The following ZFHX3 variants were observed in gnomAD, a reference collection of about 807,000 sequenced individuals.
ZFHX3 encodes zinc finger homeobox protein 3.
In ZFHX3, 42 loss-of-function variants were observed where a neutral mutation model predicts 279.1. The ratio of observed to expected loss-of-function variants is 0.15; its 90% CI spans 0.12 to 0.19. The LOEUF (loss-of-function observed/expected upper bound fraction) is 0.19. ZFHX3 is among the 10% of genes least tolerant of loss of function. ZFHX3 has a pLI of 1.00. For synonymous variants in ZFHX3, 2,293 were observed against 1,957.8 expected, an observed-to-expected ratio of 1.17 and a Z score of -4.52; for missense variants, 4,981 against 4,754.0, an observed-to-expected ratio of 1.05 and a Z score of -1.40.
At chr16:73,483,931 T>G (rs1369065680) in intron 2 of ZFHX3, among the ~76,000 whole-genome samples, 2 of 7,964 alleles carry the variant, frequency 2.5e-4, no homozygotes, top group Admixed American at 1.1e-3. Context: ...TCTGCCTTTG[T>G]TTTTTTTTTT....
chr16:73,392,122 C>G (rs572772626), intron 3 of ZFHX3, among the ~76,000 whole-genome samples: 1 of 151,998 alleles, frequency 6.6e-6, no homozygotes, highest in East Asian at 1.9e-4. Flanking sequence ...AAATAAAAAT[C>G]AAGAAACAGC....
Position 72,960,898 on chromosome 16 carries a change from G to A in ZFHX3, c.-49-704C>T, listed in dbSNP as rs781688894. Reference sequence around the variant, plus strand: ...GTCCCATTTTACAAGCAGTAAAACAGAGGGGCTTCAATCTAAAAACTGGCT... The same window carrying A: ...GTCCCATTTTACAAGCAGTAAAACAAAGGGGCTTCAATCTAAAAACTGGCT... On this transcript the variant is annotated intron_variant, in intron 1 of 9. Coordinates refer to ENST00000268489, the MANE Select transcript of ZFHX3 (RefSeq NM_006885.4). Among the ~76,000 whole-genome samples the A allele has an allele frequency of 2.0e-5, 3 of 152,102 alleles. No individual in the cohort carries two copies. The East Asian group carries it at 5.8e-4, about 29-fold the overall frequency.
intron 5 of ZFHX3, among the ~76,000 whole-genome samples, chr16:73,166,118 A>C (rs12922660): frequency 6.6e-6 from 1 of 151,954 alleles, no homozygotes; most frequent in Non-Finnish European, 1.5e-5. Flanking sequence ...GTCGCATTGG[A>C]CCTAAGTAAA....
intron 2 of ZFHX3, among the ~76,000 whole-genome samples, chr16:73,505,237 C>G (rs114386789): frequency 3.9e-5 from 6 of 152,134 alleles, no homozygotes; most frequent in Non-Finnish European, 1.5e-5. Context: ...ATATCCTCCC[C>G]GCTCTGCTGT....
At chr16:72,941,560 T>C (rs1792335643) in intron 3 of ZFHX3, among the ~76,000 whole-genome samples, 1 of 152,204 alleles carries the variant, frequency 6.6e-6, no homozygotes, top group African/African-American at 2.4e-5. Flanking sequence ...CATTGTTGCT[T>C]ATCTGAAATT....
intron 5 of ZFHX3, among the ~76,000 whole-genome samples, chr16:73,146,637 C>G (rs1355247281): frequency 1.3e-5 from 2 of 151,862 alleles, no homozygotes; most frequent in Non-Finnish European, 2.9e-5. Flanking sequence ...TTTTTAAACT[C>G]TTTTCTTTCT....
At chr16:73,442,339 C>A (rs1293331160) in intron 3 of ZFHX3, among the ~76,000 whole-genome samples, 1 of 151,728 alleles carries the variant, frequency 6.6e-6, no homozygotes, top group African/African-American at 2.4e-5. Flanking sequence ...TTTCCTTTGT[C>A]CACATCAGTA....
At chr16:72,867,454 C>T (rs904113431) in intron 4 of ZFHX3, among the ~76,000 whole-genome samples, 16 of 152,294 alleles carry the variant, frequency 1.1e-4, no homozygotes, top group South Asian at 4.1e-4. Context: ...ACACATGGAA[C>T]GCCTTTCAGA....
chr16:73,003,228 T>C (rs1315002230), intron 1 of ZFHX3, among the ~76,000 whole-genome samples: 1 of 152,050 alleles, frequency 6.6e-6, no homozygotes, highest in Non-Finnish European at 1.5e-5. Context: ...TATGTATAAA[T>C]TTCCTTTGCA....
chr16:73,599,858 ACT>A (rs1438943012), intron 2 of ZFHX3, among the ~76,000 whole-genome samples: 2 of 151,964 alleles, frequency 1.3e-5, no homozygotes, highest in Non-Finnish European at 2.9e-5. Flanking sequence ...CAGAATTCTT[ACT>A]CTGTGGATTC....
chr16:73,882,107 A>G (rs1348939084), intron 1 of ZFHX3, among the ~76,000 whole-genome samples: 1 of 152,192 alleles, frequency 6.6e-6, no homozygotes, highest in Non-Finnish European at 1.5e-5. Context: ...CCACTCGGCA[A>G]AGACTAATTA....
intron 2 of ZFHX3, among the ~76,000 whole-genome samples, chr16:73,483,721 G>C (rs1056551842): frequency 1.3e-5 from 2 of 152,038 alleles, no homozygotes; most frequent in Non-Finnish European, 2.9e-5. Flanking sequence ...ATCGACAAAG[G>C]CTCGACACAG....
chr16:72,886,344 C>T (rs978982916), intron 4 of ZFHX3, among the ~76,000 whole-genome samples: 1 of 151,248 alleles, frequency 6.6e-6, no homozygotes, highest in Non-Finnish European at 1.5e-5. Flanking sequence ...TCTTGACATA[C>T]GGAAGGGAAG....
intron 3 of ZFHX3, among the ~76,000 whole-genome samples, chr16:72,893,351 T>G (rs1717646657): frequency 6.6e-6 from 1 of 152,180 alleles, no homozygotes; most frequent in Non-Finnish European, 1.5e-5. Context: ...AACATCAAAT[T>G]TGAATATGGA....
intron 1 of ZFHX3, among the ~76,000 whole-genome samples, chr16:73,737,642 C>T (rs1293373382): frequency 1.3e-5 from 2 of 151,934 alleles, no homozygotes; most frequent in Admixed American, 6.6e-5. Context: ...CCCCATCTAC[C>T]TGCCCCATTT....
chr16:72,959,766 T>G lies in ZFHX3; in HGVS notation c.380A>C (p.Glu127Ala). ...GEEGDEESDVENLAGEIVYQP... is the reference protein window; with the variant it reads ...GEEGDEESDVANLAGEIVYQP... The stretch of plus-strand genomic sequence containing the variant: ...GTAGACGATCTCCCCGGCCAGGTTC[T>G]CCACGTCACTCTCCTCGTCCCCCTC... The change falls in exon 2 of 10, where the codon GAG (glutamate) becomes GCG (alanine). Residue 127 changes from glutamate to alanine, a missense_variant. Transcript: ENST00000268489. 1 of 1,607,588 alleles carries G rather than the reference T, an allele frequency of 6.2e-7. No homozygotes were observed. The highest frequency in any genetic ancestry group is 8.5e-7 in the Non-Finnish European group (1 of 1,175,724).
At chr16:73,881,746 G>C (rs986624164) in intron 1 of ZFHX3, among the ~76,000 whole-genome samples, 3 of 151,820 alleles carry the variant, frequency 2.0e-5, no homozygotes. Flanking sequence ...GTGTGTGTGC[G>C]TATGTATATA....
chr16:73,235,553 C>T (rs982188278), intron 5 of ZFHX3, among the ~76,000 whole-genome samples: 4 of 152,058 alleles, frequency 2.6e-5, no homozygotes, highest in African/African-American at 4.8e-5. Flanking sequence ...TGAAATGGAC[C>T]GGAGAGGCAC....
chr16:73,663,405 C>G (rs1270971560), intron 2 of ZFHX3, among the ~76,000 whole-genome samples: 1 of 152,200 alleles, frequency 6.6e-6, no homozygotes, highest in Non-Finnish European at 1.5e-5. Context: ...CACTCCCCAC[C>G]CTGCAGGTCT....
Sources: allele counts gnomAD v4.1 joint callset (sites outside exome capture counted in the v4.1 genomes callset), GRCh38; gene constraint gnomAD v4.1.1; transcripts MANE v1.5; gene names NCBI Gene and HGNC (gene_info 2026-07-23, HGNC 2026-07-21).